Variants in PRH1 observed in about 807,000 individuals in gnomAD.
The protein encoded by PRH1 is proline rich protein HaeIII subfamily 1.
PRH1 carries 7 observed loss-of-function variants against 7.9 expected under a neutral mutation model. The ratio of observed to expected loss-of-function variants is 0.89; its 90% CI spans 0.50 to 1.67. The LOEUF (loss-of-function observed/expected upper bound fraction) is 1.67. PRH1 is among the 40% of genes most tolerant of loss of function. PRH1 has a pLI of 0.00. For missense variants in PRH1, 109 were observed against 223.6 expected (o/e 0.49, Z 3.27); for synonymous variants, 45 against 80.8 (o/e 0.56, Z 2.38).
chr12:10,881,343 T>G (rs373038197), intron 3 of PRH1, among the ~76,000 whole-genome samples: 5 of 152,228 alleles, frequency 3.3e-5, no homozygotes. Flanking sequence ...TTTACAAAGA[T>G]GGGCACTGCA....
intron 1 of PRH1, among the ~76,000 whole-genome samples, chr12:10,980,060 A>G (rs1013299379): frequency 1.3e-5 from 2 of 152,272 alleles, no homozygotes; most frequent in South Asian, 4.1e-4. Context: ...TGAAGGATTA[A>G]ATGTTCACAT....
At chr12:10,930,525 C>G (rs1256874434) in intron 2 of PRH1, 2 of 1,502,360 alleles carry the variant, frequency 1.3e-6, no homozygotes, top group Non-Finnish European at 1.8e-6. Flanking sequence ...AATTAGGAAG[C>G]CTTGGGAAGG....
intron 1 of PRH1, among the ~76,000 whole-genome samples, chr12:11,056,546 A>G (rs1370814445): frequency 6.6e-6 from 1 of 152,138 alleles, no homozygotes; most frequent in Admixed American, 6.5e-5. Context: ...AAAGCAGATG[A>G]TTGGCCAGGC....
intron 1 of PRH1, among the ~76,000 whole-genome samples, chr12:11,060,930 G>GTATATT: frequency 6.6e-6 from 1 of 152,278 alleles, no homozygotes; most frequent in Non-Finnish European, 1.5e-5. Flanking sequence ...GCACACTGTG[G>GTATATT]TATATTTGTG....
chr12:10,889,092 T>C (rs896649401), upstream of PRH1, among the ~76,000 whole-genome samples: 3 of 152,198 alleles, frequency 2.0e-5, no homozygotes, highest in Non-Finnish European at 4.4e-5. Flanking sequence ...ACTTTCCCCC[T>C]TTCTCTTATT....
At chr12:10,997,830 C>T (rs1261288990) in intron 1 of PRH1, 1 of 1,611,316 alleles carries the variant, frequency 6.2e-7, no homozygotes, top group African/African-American at 1.3e-5. Context: ...AGAATAAATG[C>T]AACCACTACT....
At chr12:10,988,229 T>C (rs1939749024) in intron 1 of PRH1, among the ~76,000 whole-genome samples, 1 of 152,016 alleles carries the variant, frequency 6.6e-6, no homozygotes, top group East Asian at 1.9e-4. Flanking sequence ...TAACGTAGTT[T>C]TGGAGGGTTT....
chr12:11,168,439 A>G (rs1001879896), intron 1 of PRH1, among the ~76,000 whole-genome samples: 1 of 147,416 alleles, frequency 6.8e-6, no homozygotes, highest in South Asian at 2.1e-4. Context: ...AAGAAAAGAA[A>G]AAAGAAAGAA....
At chr12:11,010,586 C>T (rs1941021438) in intron 1 of PRH1, among the ~76,000 whole-genome samples, 1 of 151,814 alleles carries the variant, frequency 6.6e-6, no homozygotes, top group Admixed American at 6.6e-5. Context: ...AATACTTCGC[C>T]TTAATCAGGT....
chr12:11,047,469 T>C (rs1591884866), upstream of PRH1, among the ~76,000 whole-genome samples: 2 of 151,720 alleles, frequency 1.3e-5, no homozygotes, highest in East Asian at 3.9e-4. Flanking sequence ...GGCTCAGAGG[T>C]GGCTAAGCAA....
At chr12:10,978,079 A>AAG (rs3033035) in intron 1 of PRH1, among the ~76,000 whole-genome samples, 1 of 48,756 alleles carries the variant, frequency 2.1e-5, no homozygotes, top group Non-Finnish European at 6.7e-5. Context: ...CATATGGAAT[A>AAG]AAAAAAAAAA....
At chr12:10,891,990 G>A (rs1949580188) in intron 2 of PRH1, 1 of 152,144 alleles carries the variant, frequency 6.6e-6, no homozygotes, top group African/African-American at 2.4e-5. Context: ...TGACCAAGAG[G>A]GATACCCTAT....
intron 1 of PRH1, among the ~76,000 whole-genome samples, chr12:11,163,272 T>G (rs1436516951): frequency 6.6e-6 from 1 of 152,180 alleles, no homozygotes; most frequent in Non-Finnish European, 1.5e-5. Context: ...CTTCTCTGAA[T>G]ACATTTTGTT....
At chr12:10,946,824 C>A (rs190707620) in intron 2 of PRH1, among the ~76,000 whole-genome samples, 1 of 152,212 alleles carries the variant, frequency 6.6e-6, no homozygotes, top group Admixed American at 6.5e-5. Flanking sequence ...CTCAGAGATT[C>A]TGGTTTGTTG....
At chr12:10,953,659 A>G (rs1457701478) in intron 2 of PRH1, among the ~76,000 whole-genome samples, 2 of 152,176 alleles carry the variant, frequency 1.3e-5, no homozygotes, top group Non-Finnish European at 2.9e-5. Flanking sequence ...AAATACAGGA[A>G]TAGAAGGCAA....
chr12:11,062,812 C>A (rs966025853), intron 1 of PRH1, among the ~76,000 whole-genome samples: 10 of 152,016 alleles, frequency 6.6e-5, no homozygotes, highest in African/African-American at 2.4e-4. Flanking sequence ...TTTTAAATGA[C>A]AGATTTAAAT....
Position 11,102,386 on chromosome 12 carries a change from T to C in PRH1, n.124-55198A>G, listed in dbSNP as rs561281670. The stretch of plus-strand genomic sequence containing the variant: ...CAGAACAGAGCCCTCACAAATAATA[T>C]GACACATCTACAACCATCTGATCTT... On this transcript the variant is annotated intron_variant and non_coding_transcript_variant, in intron 1 of 4. Transcript: ENST00000541977. Among the ~76,000 whole-genome samples, 3 of 152,134 alleles carry C rather than the reference T, an allele frequency of 2.0e-5. No individual in the cohort carries two copies. In the East Asian group the frequency reaches 5.8e-4, roughly 29 times the overall value.
At chr12:11,027,054 C>T (rs1225590812) in intron 1 of PRH1, among the ~76,000 whole-genome samples, 1 of 152,230 alleles carries the variant, frequency 6.6e-6, no homozygotes, top group African/African-American at 2.4e-5. Flanking sequence ...CATTTGAGCC[C>T]AGGATTTTGA....
At chr12:11,069,572 A>G (rs189283030) in intron 1 of PRH1, among the ~76,000 whole-genome samples, 151 of 152,350 alleles carry the variant, frequency 9.9e-4, no homozygotes, top group African/African-American at 3.5e-3. Context: ...CAATGTGGCT[A>G]ATAGAGCATG....
Sources: allele counts gnomAD v4.1 joint callset (sites outside exome capture counted in the v4.1 genomes callset), GRCh38; gene constraint gnomAD v4.1.1; transcripts MANE v1.5; gene names NCBI Gene and HGNC (gene_info 2026-07-23, HGNC 2026-07-21).